The following PVT1 variants were observed in gnomAD, a reference collection of about 807,000 sequenced individuals.
PVT1 encodes Pvt1 oncogene, also known as CXCR4/PVT1 fusion.
At chr8:128,003,509 C>T (rs1229971506) in intron 4 of PVT1, among the ~76,000 whole-genome samples, 4 of 152,064 alleles carry the variant, frequency 2.6e-5, no homozygotes, top group Non-Finnish European at 5.9e-5. Context: ...CCATGCCTGA[C>T]TAGTTTTTGT....
At chr8:128,046,364 G>T (rs900463815) in intron 4 of PVT1, among the ~76,000 whole-genome samples, 13 of 152,266 alleles carry the variant, frequency 8.5e-5, no homozygotes, top group African/African-American at 3.1e-4. Context: ...TGTCCACGGG[G>T]TCGGTCAGTA....
chr8:127,970,289 GTTTTTT>G lies in PVT1; in HGVS notation n.783-18852_783-18847del, dbSNP rs68010926. 1.4e-4 allele frequency among the ~76,000 whole-genome samples: 7 copies of G among 49,120 alleles called. No individual in the cohort carries two copies. In the South Asian group the frequency reaches 3.5e-3, roughly 25 times the overall value. 32.2% of individuals were successfully genotyped at this position (49,120 alleles called of 152,430 possible). On this transcript the variant is annotated intron_variant and non_coding_transcript_variant, in intron 3 of 10. Transcript: ENST00000651587. ...CATTCCTCTCCATCTGCCATGATTTGTTTTTTTTTTTTTTTTTTTTTTTTTTGAGAT... is the reference window on the plus strand; with the variant it reads ...CATTCCTCTCCATCTGCCATGATTTGTTTTTTTTTTTTTTTTTTTTGAGAT...
intron 3 of PVT1, among the ~76,000 whole-genome samples, chr8:127,945,404 G>A (rs571203637): frequency 1.3e-5 from 2 of 152,276 alleles, no homozygotes; most frequent in South Asian, 2.1e-4. Context: ...CCCACTGACT[G>A]TACACAAGAG....
chr8:127,824,297 A>G lies in PVT1; in HGVS notation n.372+28226A>G, dbSNP rs191719236. The stretch of plus-strand genomic sequence containing the variant: ...AACAGTCTAAATTCCTAAAGTGATT[A>G]TGAAGGCTGAACAGGTGATGCCTGT... On this transcript the variant is annotated intron_variant and non_coding_transcript_variant, in intron 2 of 10. Coordinates refer to ENST00000651587, the Ensembl canonical transcript of PVT1. Among the ~76,000 whole-genome samples, 111 of 152,334 alleles carry G rather than the reference A, an allele frequency of 7.3e-4. 1 individual carries two copies. The highest frequency in any genetic ancestry group is 2.4e-3 in the African/African-American group (99 of 41,580).
intron 2 of PVT1, among the ~76,000 whole-genome samples, chr8:127,871,502 A>G (rs1180591303): frequency 6.6e-6 from 1 of 152,166 alleles, no homozygotes; most frequent in Non-Finnish European, 1.5e-5. Flanking sequence ...CTGGACTCCC[A>G]GTGTCCAGGG....
At chr8:128,001,839 G>A (rs1287710955) in intron 4 of PVT1, among the ~76,000 whole-genome samples, 2 of 152,126 alleles carry the variant, frequency 1.3e-5, no homozygotes, top group Non-Finnish European at 2.9e-5. Context: ...TGGAGGAAGG[G>A]GCGAGAAAGC....
Position 128,086,091 on chromosome 8 carries a change from T to A in PVT1, n.1115-10427T>A, listed in dbSNP as rs184042896. On this transcript the variant is annotated intron_variant and non_coding_transcript_variant, in intron 5 of 10. Coordinates refer to ENST00000651587, the Ensembl canonical transcript of PVT1. ...ATTTTGCAAAAGGGATGAAGTCAGA[T>A]CCCTAAATCTGGCTGTGAGTCGATA... 7.3e-3 allele frequency among the ~76,000 whole-genome samples: 1,108 copies of A among 152,370 alleles called. 19 individuals are homozygous for A. The highest frequency in any genetic ancestry group is 0.026 in the African/African-American group (1,078 of 41,584).
At chr8:128,081,432 G>A (rs1005053387) in intron 5 of PVT1, among the ~76,000 whole-genome samples, 4 of 152,166 alleles carry the variant, frequency 2.6e-5, no homozygotes, top group African/African-American at 9.7e-5. Context: ...GGATCACATG[G>A]TGAGACTATG....
chr8:127,896,697 T>A (rs951946491), intron 3 of PVT1, among the ~76,000 whole-genome samples: 4 of 151,984 alleles, frequency 2.6e-5, no homozygotes, highest in Non-Finnish European at 5.9e-5. Flanking sequence ...GTGTGCCATG[T>A]GATTTGCTGC....
At chr8:127,816,206 G>C (rs1470098365) in intron 2 of PVT1, among the ~76,000 whole-genome samples, 7 of 152,180 alleles carry the variant, frequency 4.6e-5, no homozygotes, top group Non-Finnish European at 1.0e-4. Context: ...TCTCCACCCT[G>C]CCTAGGATCC....
intron 4 of PVT1, among the ~76,000 whole-genome samples, chr8:127,997,072 G>C: frequency 4.1e-5 from 1 of 24,466 alleles, no homozygotes; most frequent in Admixed American, 5.2e-4. Flanking sequence ...TTTGTTTTTT[G>C]ATACAGAGTT....
chr8:128,048,464 G>A (rs1240986982), intron 4 of PVT1: 2 of 152,204 alleles, frequency 1.3e-5, no homozygotes, highest in South Asian at 2.1e-4. Context: ...GAGAAACAAG[G>A]AGACGGGAGA....
chr8:128,044,015 A>AT lies in PVT1; in HGVS notation n.913-26130dup, dbSNP rs763124076. ...TTAATTTTTTTATTATTATTTATTT[A>AT]TTTTTTTTTTTTTTTGTAGAGAAGG... On this transcript the variant is annotated intron_variant and non_coding_transcript_variant, in intron 4 of 10. Coordinates refer to ENST00000651587, the Ensembl canonical transcript of PVT1. 4.5e-3 allele frequency among the ~76,000 whole-genome samples: 578 copies of AT among 127,372 alleles called. 3 individuals carry two copies. The highest frequency in any genetic ancestry group is 9.3e-3 in the African/African-American group (283 of 30,584). The allele number at this position is 127,372 out of a possible 152,430, so 83.6% of individuals were successfully genotyped here.
intron 2 of PVT1, among the ~76,000 whole-genome samples, chr8:127,812,817 A>G (rs1814613572): frequency 6.6e-6 from 1 of 152,154 alleles, no homozygotes; most frequent in South Asian, 2.1e-4. Flanking sequence ...ATCTTTCTGG[A>G]AAAACTCAGT....
intron 2 of PVT1, among the ~76,000 whole-genome samples, chr8:127,803,710 T>A (rs1456869499): frequency 6.9e-6 from 1 of 144,778 alleles, no homozygotes; most frequent in Non-Finnish European, 1.5e-5. Flanking sequence ...CATAGTGAGA[T>A]CCTGTCTCTA....
chr8:127,805,254 A>G (rs1438915198), intron 2 of PVT1, among the ~76,000 whole-genome samples: 1 of 151,690 alleles, frequency 6.6e-6, no homozygotes, highest in Admixed American at 6.6e-5. Flanking sequence ...TATTGGGTAG[A>G]TATTTCTGTT....
At chr8:127,987,089 C>A (rs985787886) in intron 3 of PVT1, among the ~76,000 whole-genome samples, 5 of 152,190 alleles carry the variant, frequency 3.3e-5, no homozygotes, top group Admixed American at 3.3e-4. Flanking sequence ...GGTTATGTGT[C>A]TCCTGATTTC....
chr8:128,049,182 G>A, intron 4 of PVT1: 1 of 531,894 alleles, frequency 1.9e-6, no homozygotes, highest in South Asian at 1.4e-5. Flanking sequence ...GGGAGGGGCT[G>A]GCTGGGTCTG....
chr8:128,052,992 T>G (rs1290775594), intron 4 of PVT1, among the ~76,000 whole-genome samples: 2 of 152,236 alleles, frequency 1.3e-5, no homozygotes, highest in African/African-American at 4.8e-5. Context: ...TTCTAGTGCT[T>G]TCTTCTAGTA....
Sources: gnomAD v4.1 joint callset for allele counts (sites outside exome capture counted in the v4.1 genomes callset) on GRCh38, gnomAD v4.1.1 for gene constraint, MANE v1.5 for transcripts, NCBI Gene and HGNC (gene_info 2026-07-23, HGNC 2026-07-21) for gene names.